VTI1A: variants seen among roughly 807,000 people sequenced by gnomAD.
VTI1A encodes the protein vesicle transport through interaction with t-SNAREs homolog 1A.
VTI1A carries 22 observed loss-of-function variants against 34.9 expected under a neutral mutation model. The observed-to-expected ratio is 0.63, with a 90% CI of 0.45 to 0.90. VTI1A has a LOEUF of 0.90. VTI1A is among the 40% of genes least tolerant of loss of function. The pLI, the probability that VTI1A is intolerant of heterozygous loss-of-function variation, is 0.00. For missense variants in VTI1A, 268 were observed against 275.6 expected, an observed-to-expected ratio of 0.97 and a Z score of 0.20; for synonymous variants, 87 against 97.3, an observed-to-expected ratio of 0.89 and a Z score of 0.62.
the VTI1A span, among the ~76,000 whole-genome samples, chr10:112,833,057 A>G: frequency 2.7e-4 from 41 of 151,814 alleles, no homozygotes; most frequent in African/African-American, 9.7e-4. Context: ...TCAGTGGATC[A>G]GAAGAGTTCA....
chr10:112,629,398 T>G (rs902860080), intron 5 of VTI1A, among the ~76,000 whole-genome samples: 4 of 152,250 alleles, frequency 2.6e-5, no homozygotes, highest in Non-Finnish European at 5.9e-5. Flanking sequence ...CATTCCCTGT[T>G]TCATCACCGC....
intron 5 of VTI1A, among the ~76,000 whole-genome samples, chr10:112,654,904 T>C (rs931834775): frequency 6.6e-6 from 1 of 152,258 alleles, no homozygotes; most frequent in Non-Finnish European, 1.5e-5. Flanking sequence ...AGTTTTTGTC[T>C]GCCTCATGAT....
intron 3 of VTI1A, among the ~76,000 whole-genome samples, chr10:112,483,262 A>C (rs1019665595): frequency 1.3e-5 from 2 of 152,138 alleles, no homozygotes; most frequent in Admixed American, 1.3e-4. Flanking sequence ...GAATTCTGCC[A>C]GTTCTCCAAT....
chr10:112,798,967 G>A (rs552930813), intron 7 of VTI1A, among the ~76,000 whole-genome samples: 50 of 152,314 alleles, frequency 3.3e-4, no homozygotes, highest in African/African-American at 1.1e-3. Context: ...GGCTGCAGAT[G>A]TGTGGTCCAG....
At chr10:112,601,068 G>C (rs1464527249) in intron 5 of VTI1A, among the ~76,000 whole-genome samples, 1 of 152,152 alleles carries the variant, frequency 6.6e-6, no homozygotes, top group Non-Finnish European at 1.5e-5. Context: ...GTTTTATGGG[G>C]ATTCAGAGAA....
the VTI1A span, among the ~76,000 whole-genome samples, chr10:112,838,739 C>T: frequency 2.0e-5 from 3 of 152,174 alleles, no homozygotes; most frequent in Non-Finnish European, 2.9e-5. Context: ...CAGCTCACTG[C>T]GCTTCCAGGC....
At chr10:112,782,424 C>A (rs923152230) in intron 7 of VTI1A, among the ~76,000 whole-genome samples, 1 of 152,268 alleles carries the variant, frequency 6.6e-6, no homozygotes, top group African/African-American at 2.4e-5. Context: ...AGCGCATGCT[C>A]TTTCTCCTTG....
At chr10:112,621,278 C>A (rs1845723164) in intron 5 of VTI1A, among the ~76,000 whole-genome samples, 1 of 152,154 alleles carries the variant, frequency 6.6e-6, no homozygotes, top group Non-Finnish European at 1.5e-5. Context: ...GTAGAGATTA[C>A]ACATTAGCAT....
chr10:112,811,712 A>AAGAT (rs67154330), intron 7 of VTI1A, among the ~76,000 whole-genome samples: 871 of 84,002 alleles, frequency 0.01, 241 homozygotes, highest in Non-Finnish European at 0.013. Flanking sequence ...AAAAAAAAAA[A>AAGAT]GAGTGCAGTC....
intron 7 of VTI1A, among the ~76,000 whole-genome samples, chr10:112,807,769 C>G (rs775850076): frequency 2.0e-5 from 3 of 152,180 alleles, no homozygotes; most frequent in Non-Finnish European, 2.9e-5. Flanking sequence ...AGGAGAATCA[C>G]TTGAACCTGG....
chr10:112,703,863 AT>A (rs1849100874), intron 7 of VTI1A, among the ~76,000 whole-genome samples: 1 of 152,220 alleles, frequency 6.6e-6, no homozygotes, highest in South Asian at 2.1e-4. Flanking sequence ...GCTTGCCAAA[AT>A]TAATAATGAA....
At chr10:112,751,407 A>G (rs139293343) in intron 7 of VTI1A, among the ~76,000 whole-genome samples, 1 of 151,582 alleles carries the variant, frequency 6.6e-6, no homozygotes, top group Admixed American at 6.6e-5. Context: ...GTAGGTACTC[A>G]ATAATTAACT....
At chr10:112,527,838 G>T (rs546208466) in intron 4 of VTI1A, among the ~76,000 whole-genome samples, 1 of 152,066 alleles carries the variant, frequency 6.6e-6, no homozygotes, top group African/African-American at 2.4e-5. Context: ...GTTCTCATTG[G>T]ATCATACCGT....
intron 3 of VTI1A, among the ~76,000 whole-genome samples, chr10:112,495,909 AG>A (rs898014926): frequency 6.6e-6 from 1 of 152,234 alleles, no homozygotes; most frequent in African/African-American, 2.4e-5. Context: ...ATTTCAAAAA[AG>A]AGGGCATTTT....
At chr10:112,788,948 C>T (rs1852377324) in intron 7 of VTI1A, among the ~76,000 whole-genome samples, 2 of 152,016 alleles carry the variant, frequency 1.3e-5, no homozygotes, top group Admixed American at 6.6e-5. Context: ...TAACCAATTT[C>T]CTCCCTCTTC....
At chr10:112,752,134 G>A (rs909713195) in intron 7 of VTI1A, among the ~76,000 whole-genome samples, 5 of 152,226 alleles carry the variant, frequency 3.3e-5, no homozygotes, top group Middle Eastern at 3.2e-3. Context: ...CACAGGTAAT[G>A]TAAAACTATA....
intron 7 of VTI1A, among the ~76,000 whole-genome samples, chr10:112,707,898 T>G (rs1288149684): frequency 6.6e-6 from 1 of 152,206 alleles, no homozygotes; most frequent in African/African-American, 2.4e-5. Flanking sequence ...TGCCTTTTAG[T>G]TTTTTTGCTA....
At chr10:112,532,245 C>T (rs1039567156) in intron 4 of VTI1A, among the ~76,000 whole-genome samples, 4 of 152,184 alleles carry the variant, frequency 2.6e-5, no homozygotes, top group Non-Finnish European at 5.9e-5. Flanking sequence ...CTATAGTAAA[C>T]ATGATACTTA....
the VTI1A span, among the ~76,000 whole-genome samples, chr10:112,834,352 A>T: frequency 1.3e-5 from 2 of 152,178 alleles, no homozygotes; most frequent in African/African-American, 2.4e-5. Context: ...GGAATAAGCA[A>T]TTCTTGGCTA....
Sources: gnomAD v4.1 joint callset for allele counts (sites outside exome capture counted in the v4.1 genomes callset) on GRCh38, gnomAD v4.1.1 for gene constraint, MANE v1.5 for transcripts, NCBI Gene and HGNC (gene_info 2026-07-23, HGNC 2026-07-21) for gene names.